COL2A1: variants seen among roughly 807,000 people sequenced by gnomAD.
COL2A1 encodes collagen type II alpha 1 chain, also known as collagen alpha-1(II) chain.
Under a neutral mutation model 204.5 loss-of-function variants are expected in COL2A1, and 28 were observed. The ratio of observed to expected loss-of-function variants is 0.14; its 90% confidence interval spans 0.10 to 0.19. The LOEUF is 0.19. COL2A1 is among the 10% of genes least tolerant of loss of function. The probability of loss-of-function intolerance (pLI) is 1.00; values close to 1 mark genes in which losing one functional copy is unlikely to be tolerated. For synonymous variants in COL2A1, 708 were observed against 718.7 expected (o/e 0.99, Z 0.24); for missense variants, 1,388 against 2,027.5 (o/e 0.68, Z 6.06).
chr12:47,986,073 T>G (rs7963636), intron 23 of COL2A1, 108 bp from the exon 24 acceptor site: 5 of 1,079,880 alleles, frequency 4.6e-6, no homozygotes, highest in Non-Finnish European at 7.0e-6. Context: ...TGGGGAGCAG[T>G]AGCTGTGGCC....
At position 47,985,125 on chromosome 12, in the gene COL2A1, G is replaced by A. The variant is rs747208361; in HGVS notation, c.1735-32C>T. On this transcript the variant is annotated intron_variant, in intron 26 of 53. Coordinates refer to ENST00000380518, the MANE Select transcript of COL2A1 (RefSeq NM_001844.5). ...GACAGAACACCATTCTCAGAACATA[G>A]ACACTCTGACCACATCCATCCACCC... The A allele has an allele frequency of 2.6e-6, 4 of 1,557,902 alleles. No individual in the cohort carries two copies. The Admixed American group carries it at 6.8e-5, about 26-fold the overall frequency.
chr12:47,973,648 A>C lies in COL2A1; in HGVS notation c.4318-95T>G, dbSNP rs972416174. 2.7e-6 allele frequency: 4 copies of C among 1,465,780 alleles called. No individual in the cohort carries two copies. The African/African-American group carries it at 5.6e-5, about 20-fold the overall frequency. The allele number at this position is 1,465,780 out of a possible 1,614,324, so 90.8% of individuals were successfully genotyped here. On this transcript the variant is annotated intron_variant, in intron 53 of 53. Coordinates refer to ENST00000380518, the MANE Select transcript of COL2A1 (RefSeq NM_001844.5). The stretch of plus-strand genomic sequence containing the variant: ...CCCAAAACTGAACAAACTGGCGAGC[A>C]TCAGAGCCCACAAGGTTGAACCACA...
At position 47,999,937 on chromosome 12, in the gene COL2A1, C is replaced by A; in HGVS notation, c.274G>T (p.Asp92Tyr). 1 of 1,614,090 alleles carries A rather than the reference C, an allele frequency of 6.2e-7. No homozygotes were observed. The highest frequency in any genetic ancestry group is 8.5e-7 in the Non-Finnish European group (1 of 1,179,968). ...TTACAACCACTGGCAGTGGCGAGGT[C>A]AGTTGGGCAGATGGGGCAGCACTCT... ...FGECCPICPT[D>Y]LATASGQPGP... The change falls in exon 2 of 54, where the codon GAC (aspartate) becomes TAC (tyrosine). Residue 92 changes from aspartate (D) to tyrosine (Y), a missense_variant. Asp to Tyr is a radical substitution (Grantham distance 160). Transcript: ENST00000380518.
chr12:47,996,425 C>T (rs982914833), intron 8 of COL2A1, 123 bp downstream of exon 8: 106 of 871,418 alleles, frequency 1.2e-4, no homozygotes, highest in Non-Finnish European at 1.9e-4. Context: ...TGGGAGGTTA[C>T]ATAACTACGG....
chr12:47,975,477 G>GTGGCCTGTC lies in COL2A1; in HGVS notation c.3725_3726insGACAGGCCA (p.Asp1242delinsGluThrGlyHis). The GTGGCCTGTC allele has an allele frequency of 6.2e-7, 1 of 1,613,820 alleles. No individual in the cohort carries two copies. ...GCTGTCTCAGGCCACCGGCTGCCTGGTCGGCCCGCATGTACTGCAGGGGGT... is the reference window on the plus strand; with the variant it reads ...GCTGTCTCAGGCCACCGGCTGCCTGGTGGCCTGTCTCGGCCCGCATGTACTGCAGGGGGT... On this transcript the variant is annotated protein_altering_variant, in exon 51 of 54. Coordinates refer to ENST00000380518, the MANE Select transcript of COL2A1 (RefSeq NM_001844.5).
At position 47,979,898 on chromosome 12, in the gene COL2A1, C is replaced by A. The variant is rs543198065; in HGVS notation, c.2679+111G>T. The A allele has an allele frequency of 3.9e-6, 4 of 1,027,320 alleles. No individual in the cohort carries two copies. In the Admixed American group the frequency reaches 7.1e-5, roughly 18 times the overall value. The allele number at this position is 1,027,320 out of a possible 1,614,324, so 63.6% of individuals were successfully genotyped here. A position where few individuals can be genotyped will look rare whatever the true frequency, so the allele number is the denominator to read the frequency against. On this transcript the variant is annotated intron_variant, in intron 40 of 53. Transcript: ENST00000380518. ...TGGGTGGGCTTAGGCTGGGGACCAACGCAGGGCTGGGAAAACAGTCGGGGG... is the reference window on the plus strand; with the variant it reads ...TGGGTGGGCTTAGGCTGGGGACCAAAGCAGGGCTGGGAAAACAGTCGGGGG...
intron 50 of COL2A1, 113 bp from the exon 51 acceptor site, chr12:47,975,718 G>A: frequency 8.2e-7 from 1 of 1,218,586 alleles, no homozygotes; most frequent in East Asian, 2.5e-5. Context: ...CATGGGTGGG[G>A]CGGAGGTGTA....
At chr12:48,000,672 T>A (rs957864492) in intron 1 of COL2A1, among the ~76,000 whole-genome samples, 6 of 152,166 alleles carry the variant, frequency 3.9e-5, no homozygotes, top group Non-Finnish European at 8.8e-5. Flanking sequence ...AAATTCTACC[T>A]ACAAAAATTG....
chr12:47,991,348 G>A lies in COL2A1; in HGVS notation c.1023+1530C>T, dbSNP rs551168404. 9.2e-5 allele frequency among the ~76,000 whole-genome samples: 14 copies of A among 152,316 alleles called. 1 individual carries two copies. Among genetic ancestry groups the A allele is most frequent in the African/African-American group, 3.4e-4 (14 of 41,578 alleles). ...GCCCAAGGGAGGGCACATGACCACA[G>A]CAGGCAGACACCAACCCAGCCCAGT... On this transcript the variant is annotated intron_variant, in intron 16 of 53. Transcript: ENST00000380518.
intron 18 of COL2A1, among the ~76,000 whole-genome samples, chr12:47,988,109 T>C (rs533830644): frequency 6.6e-6 from 1 of 152,318 alleles, no homozygotes; most frequent in South Asian, 2.1e-4. Context: ...CTCCTGTTTT[T>C]CTATTTTATT....
chr12:48,005,373 C>T (rs1940428786), upstream of COL2A1: 2 of 152,518 alleles, frequency 1.3e-5, no homozygotes, highest in Non-Finnish European at 2.9e-5. Context: ...GTCTGCTCTT[C>T]CTGGCTGGGG....
At chr12:47,981,080 G>C in intron 37 of COL2A1, 112 bp from the exon 38 acceptor site, 1 of 1,163,660 alleles carries the variant, frequency 8.6e-7, no homozygotes, top group South Asian at 1.5e-5. Flanking sequence ...CAGAGACGGG[G>C]ATCTGAAAGC....
At chr12:47,993,931 C>T in intron 13 of COL2A1, 63 bp downstream of exon 13, 2 of 1,611,694 alleles carry the variant, frequency 1.2e-6, no homozygotes, top group South Asian at 2.2e-5. Context: ...GCACGCACCC[C>T]AAAGTGCTTT....
intron 23 of COL2A1, 124 bp from the exon 24 acceptor site, chr12:47,986,089 G>C (rs1441106800): frequency 1.0e-6 from 1 of 960,960 alleles, no homozygotes; most frequent in South Asian, 1.4e-5. Flanking sequence ...TGGCCTGCAG[G>C]ATTCTCAGAG....
In COL2A1 at chr12:47,995,820, G is replaced by A. The variant is rs1415940737; in HGVS notation, c.654+55C>T. The A allele has an allele frequency of 6.8e-6, 11 of 1,609,540 alleles. No homozygotes were observed. In the Admixed American group the frequency reaches 1.3e-4, roughly 20 times the overall value. ...CCCTATAAACTGCTAAAACATCATA[G>A]TGCTTGGGAATCATCTGCGACACGA... On this transcript the variant is annotated intron_variant, in intron 9 of 53. Transcript: ENST00000380518.
Position 47,974,054 on chromosome 12 carries a change from C to G in COL2A1, c.4317+35G>C, listed in dbSNP as rs376550979. ...TCAGCCCTGCTCCAGGCGGTTTGGGCACAGGCAGCTCTTCTCTCTGGCAGC... is the reference window on the plus strand; with the variant it reads ...TCAGCCCTGCTCCAGGCGGTTTGGGGACAGGCAGCTCTTCTCTCTGGCAGC... On this transcript the variant is annotated intron_variant, in intron 53 of 53. Coordinates refer to ENST00000380518, the MANE Select transcript of COL2A1 (RefSeq NM_001844.5). The G allele has an allele frequency of 3.8e-5, 62 of 1,614,068 alleles. No individual in the cohort carries two copies. In the African/African-American group the frequency reaches 7.3e-4, roughly 19 times the overall value.
At chr12:47,983,951 A>T in intron 29 of COL2A1, 136 bp downstream of exon 29, 3 of 970,874 alleles carry the variant, frequency 3.1e-6, no homozygotes, top group Non-Finnish European at 4.8e-6. Context: ...ACCCTGCCTC[A>T]GCTCAGAGTG....
intron 2 of COL2A1, 97 bp downstream of exon 2, chr12:47,999,822 C>A: frequency 9.4e-7 from 1 of 1,067,370 alleles, no homozygotes; most frequent in East Asian, 2.4e-5. Context: ...ATAACTAGCC[C>A]CTCTGCTTTG....
rs1940044356 is a variant in COL2A1, at chr12:47,998,016, T to C, written c.375+16A>G. 1 of 1,614,150 alleles carries C rather than the reference T, an allele frequency of 6.2e-7. No individual in the cohort carries two copies. Among genetic ancestry groups the C allele is most frequent in the Non-Finnish European group, 8.5e-7 (1 of 1,180,024 alleles). On this transcript the variant is annotated intron_variant, in intron 5 of 53. Coordinates refer to ENST00000380518, the MANE Select transcript of COL2A1 (RefSeq NM_001844.5). ...AGCGAGGAAGGGACGGAGAAAGAGA[T>C]TTCTCCCTCTCTTACCTGAGGCCCA...
Sources: gnomAD v4.1 joint callset for allele counts (sites outside exome capture counted in the v4.1 genomes callset) on GRCh38, gnomAD v4.1.1 for gene constraint, MANE v1.5 for transcripts, NCBI Gene and HGNC (gene_info 2026-07-23, HGNC 2026-07-21) for gene names.